The following SRGAP3 variants were observed in gnomAD, a reference collection of about 807,000 sequenced individuals.
SRGAP3 encodes SLIT-ROBO Rho GTPase-activating protein 3.
In SRGAP3, 39 loss-of-function variants were observed where a neutral mutation model predicts 121.1. The observed-to-expected ratio is 0.32, with a 90% CI of 0.25 to 0.42. The LOEUF (loss-of-function observed/expected upper bound fraction) is 0.42. Among genes scored for constraint, SRGAP3 ranks in the 10% least tolerant of loss-of-function variants. The pLI is 1.00. For synonymous variants in SRGAP3, 601 were observed against 570.0 expected (o/e 1.05, Z -0.77); for missense variants, 1,213 against 1,470.6 (o/e 0.82, Z 2.86).
intron 4 of SRGAP3, among the ~76,000 whole-genome samples, chr3:9,069,465 T>C (rs936469730): frequency 2.0e-5 from 3 of 152,158 alleles, no homozygotes; most frequent in African/African-American, 7.2e-5. Flanking sequence ...ATCCACTTGA[T>C]GCCAGGGAAG....
intron 3 of SRGAP3, among the ~76,000 whole-genome samples, chr3:9,099,636 T>A (rs1226750256): frequency 6.6e-6 from 1 of 152,164 alleles, no homozygotes; most frequent in Non-Finnish European, 1.5e-5. Flanking sequence ...ATCTGTGAAA[T>A]GAGGAGGTTG....
rs1170547990 is a variant in SRGAP3 at position 8,985,935 on chromosome 3, G to A, written c.2887-3C>T. ...GTGCTCATGGTCTTCTCGATGTCCT[G>A]GGGACAGAGGGAGCTGGGGTCAGCA... On this transcript the variant is annotated splice_region_variant and splice_polypyrimidine_tract_variant and intron_variant, in intron 21 of 21. Transcript: ENST00000383836. This position sits in a 1 kb window ranked among gnomAD's most constrained non-coding sequence, Gnocchi z 5.1. 1.3e-6 allele frequency: 2 copies of A among 1,599,600 alleles called. No homozygotes were observed. The highest frequency in any genetic ancestry group is 1.1e-5 in the South Asian group (1 of 91,060).
At chr3:9,259,019 T>C (rs1468302536) in intron 3 of SRGAP3, among the ~76,000 whole-genome samples, 1 of 152,238 alleles carries the variant, frequency 6.6e-6, no homozygotes, top group Non-Finnish European at 1.5e-5. Context: ...GCCTCGCTCC[T>C]AAGCCCATCT....
At chr3:9,156,020 T>A (rs1950404749) in intron 1 of SRGAP3, among the ~76,000 whole-genome samples, 1 of 152,228 alleles carries the variant, frequency 6.6e-6, no homozygotes, top group African/African-American at 2.4e-5. Context: ...TTTCACCATG[T>A]TAGCCAGGAT....
Position 9,190,614 on chromosome 3 carries a change from A to T in SRGAP3, c.67+58271T>A, listed in dbSNP as rs372575717. Among the ~76,000 whole-genome samples, 8 of 152,360 alleles carry T rather than the reference A, an allele frequency of 5.3e-5. No homozygotes were observed. The East Asian group carries it at 1.3e-3, about 26-fold the overall frequency. ...CACTGAAGCTACCTGGGGTTACTCA[A>T]CAACTGTTTTAGGGCACATTTCCTC... is the stretch of plus-strand genomic sequence containing the variant. On this transcript the variant is annotated intron_variant, in intron 1 of 21. Coordinates refer to ENST00000383836, the MANE Select transcript of SRGAP3 (RefSeq NM_014850.4).
intron 1 of SRGAP3, among the ~76,000 whole-genome samples, chr3:9,160,639 G>A (rs1181921094): frequency 6.6e-6 from 1 of 152,192 alleles, no homozygotes; most frequent in Non-Finnish European, 1.5e-5. Flanking sequence ...TTGACCCATG[G>A]AAACTGTGTC....
intron 15 of SRGAP3, 81 bp downstream of exon 15, chr3:9,015,516 C>G: frequency 6.3e-7 from 1 of 1,579,096 alleles, no homozygotes; most frequent in Non-Finnish European, 8.7e-7. Flanking sequence ...CTCCTCTATG[C>G]CTAGCACAGC....
At chr3:9,220,223 C>A (rs568501204) in intron 1 of SRGAP3, among the ~76,000 whole-genome samples, 1 of 152,114 alleles carries the variant, frequency 6.6e-6, no homozygotes, top group African/African-American at 2.4e-5. Flanking sequence ...AAAAGTTTGA[C>A]GTCATAGGAA....
Position 9,174,561 on chromosome 3 carries a change from G to A in SRGAP3, c.68-49644C>T, listed in dbSNP as rs111648033. 4.2e-3 allele frequency among the ~76,000 whole-genome samples: 632 copies of A among 152,284 alleles called. 9 individuals are homozygous for A. Among genetic ancestry groups the A allele is most frequent in the African/African-American group, 0.014 (589 of 41,560 alleles). ...TTAGTAAGCACCGACTTCATGGCAG[G>A]TGCTGCACTGAAGGCGTCATATTGA... On this transcript the variant is annotated intron_variant, in intron 1 of 21. Transcript: ENST00000383836.
chr3:9,058,717 T>A, intron 6 of SRGAP3: 1 of 197,886 alleles, frequency 5.1e-6, no homozygotes, highest in Non-Finnish European at 9.8e-6. Context: ...TCTCTCTCTT[T>A]TTTTTTTTTT....
intron 7 of SRGAP3, among the ~76,000 whole-genome samples, chr3:9,057,989 G>A (rs1945910653): frequency 6.6e-6 from 1 of 152,150 alleles, no homozygotes; most frequent in African/African-American, 2.4e-5. Context: ...TGCAGACTGG[G>A]GCTCCCTTGG....
intron 1 of SRGAP3, among the ~76,000 whole-genome samples, chr3:9,358,316 T>G (rs921770936): frequency 3.9e-5 from 6 of 152,290 alleles, no homozygotes; most frequent in African/African-American, 1.4e-4. Context: ...ATATTTCATA[T>G]GAATAAAATC....
chr3:9,054,500 C>T (rs1945727483), intron 8 of SRGAP3, among the ~76,000 whole-genome samples: 2 of 152,218 alleles, frequency 1.3e-5, no homozygotes, highest in Admixed American at 6.5e-5. Context: ...GTTGTCCCAC[C>T]TTTCCAGACC....
chr3:9,309,901 T>A (rs1955214782), intron 3 of SRGAP3, among the ~76,000 whole-genome samples: 1 of 152,100 alleles, frequency 6.6e-6, no homozygotes, highest in African/African-American at 2.4e-5. Flanking sequence ...TCCACCAACA[T>A]GATCATTCAC....
At chr3:9,074,233 G>A (rs188318333) in intron 4 of SRGAP3, among the ~76,000 whole-genome samples, 101 of 152,222 alleles carry the variant, frequency 6.6e-4, no homozygotes, top group African/African-American at 2.4e-3. Context: ...TCCAAACTAT[G>A]TAGGAAAAAT....
At chr3:9,042,334 G>A (rs552992742) in intron 10 of SRGAP3, among the ~76,000 whole-genome samples, 8 of 152,040 alleles carry the variant, frequency 5.3e-5, no homozygotes, top group African/African-American at 1.7e-4. Flanking sequence ...GGCACACATG[G>A]CTAGTGGCCA....
intron 3 of SRGAP3, among the ~76,000 whole-genome samples, chr3:9,304,120 T>C (rs904918571): frequency 6.6e-6 from 1 of 152,176 alleles, no homozygotes; most frequent in Non-Finnish European, 1.5e-5. Context: ...CATGTACGAC[T>C]TACAGACCAG....
chr3:9,318,628 A>T (rs116544442), intron 3 of SRGAP3, among the ~76,000 whole-genome samples: 12,284 of 151,002 alleles, frequency 0.081, 682 homozygotes, highest in Middle Eastern at 0.15. Context: ...TAATCCCAGC[A>T]CTTTGAGAGG....
intron 10 of SRGAP3, 57 bp from the exon 11 acceptor site, chr3:9,038,147 C>T (rs1944852974): frequency 6.2e-7 from 1 of 1,607,514 alleles, no homozygotes; most frequent in African/African-American, 1.3e-5. Context: ...ATCCAAAGAA[C>T]ATTCATCTTT....
Sources: gnomAD v4.1 joint callset for allele counts (sites outside exome capture counted in the v4.1 genomes callset) on GRCh38, gnomAD v4.1.1 for gene constraint, Gnocchi (gnomAD v3.1) non-coding constraint, MANE v1.5 for transcripts, NCBI Gene and HGNC (gene_info 2026-07-23, HGNC 2026-07-21) for gene names.